ARHGAP22: variants seen among roughly 807,000 people sequenced by gnomAD.
ARHGAP22 encodes rho GTPase-activating protein 22.
Under a neutral mutation model 59.1 loss-of-function variants are expected in ARHGAP22, and 48 were observed. The observed-to-expected ratio is 0.81, with a 90% CI of 0.64 to 1.03. ARHGAP22 has a LOEUF of 1.03. Among genes scored for constraint, ARHGAP22 ranks in the 50% least tolerant of loss-of-function variants. ARHGAP22 has a pLI of 0.00. For synonymous variants in ARHGAP22, 445 were observed against 416.4 expected (o/e 1.07, Z -0.84); for missense variants, 1,015 against 958.7 (o/e 1.06, Z -0.78).
the ARHGAP22 span, chr10:48,436,907 A>G: frequency 6.6e-6 from 1 of 152,232 alleles, no homozygotes; most frequent in Non-Finnish European, 1.5e-5. Flanking sequence ...CAATTTCAGC[A>G]GAAATTTGAG....
chr10:48,475,349 C>T (rs1435846400), intron 4 of ARHGAP22, among the ~76,000 whole-genome samples: 1 of 152,150 alleles, frequency 6.6e-6, no homozygotes, highest in South Asian at 2.1e-4. Context: ...GACTTCAAAC[C>T]CCATCTATGT....
At chr10:48,436,998 G>A in the ARHGAP22 span, 6 of 152,192 alleles carry the variant, frequency 3.9e-5, no homozygotes, top group Admixed American at 3.9e-4. Flanking sequence ...TTTCACAGCA[G>A]ACATGCTTTC....
chr10:48,469,251 T>C (rs747664604), intron 4 of ARHGAP22, among the ~76,000 whole-genome samples: 3 of 152,160 alleles, frequency 2.0e-5, no homozygotes, highest in East Asian at 3.9e-4. Flanking sequence ...CACTGCCACA[T>C]TGAGCTCCAG....
At chr10:48,546,177 G>T (rs1564853624) in intron 3 of ARHGAP22, among the ~76,000 whole-genome samples, 2 of 152,138 alleles carry the variant, frequency 1.3e-5, no homozygotes, top group Admixed American at 1.3e-4. Context: ...TCCCACAGGG[G>T]TCCCCGCTAC....
At chr10:48,587,592 T>C (rs2059505214) in intron 1 of ARHGAP22, among the ~76,000 whole-genome samples, 2 of 152,226 alleles carry the variant, frequency 1.3e-5, no homozygotes, top group Non-Finnish European at 2.9e-5. Flanking sequence ...CACTGTCTAT[T>C]CTTGAATTCT....
rs868536968 is a variant in ARHGAP22, at chr10:48,598,630, G to T, written c.34+6133C>A. Among the ~76,000 whole-genome samples the T allele has an allele frequency of 2.0e-5, 3 of 152,102 alleles. No homozygotes were observed. In the South Asian group the frequency reaches 6.2e-4, roughly 32 times the overall value. ...CCCTGCCCTCAGGGCCACTCCCTGC[G>T]CACCTGCTGCCCCCACTGCAGCCTG... On this transcript the variant is annotated intron_variant, in intron 1 of 9. Transcript: ENST00000249601.
intron 4 of ARHGAP22, among the ~76,000 whole-genome samples, chr10:48,471,148 G>A (rs1420506648): frequency 6.6e-6 from 1 of 152,174 alleles, no homozygotes; most frequent in Non-Finnish European, 1.5e-5. Context: ...CCCAAGGGCA[G>A]GAGAGTTGAC....
intron 1 of ARHGAP22, among the ~76,000 whole-genome samples, chr10:48,617,460 A>G (rs2061125628): frequency 6.6e-6 from 1 of 152,052 alleles, no homozygotes; most frequent in South Asian, 2.1e-4. Context: ...AGGACATAAA[A>G]CAAGTCTCAA....
intron 3 of ARHGAP22, among the ~76,000 whole-genome samples, chr10:48,490,564 A>T (rs768485716): frequency 2.0e-5 from 3 of 152,220 alleles, no homozygotes; most frequent in Non-Finnish European, 4.4e-5. Flanking sequence ...CGTAGGCACA[A>T]TGTGGCATGT....
intron 3 of ARHGAP22, among the ~76,000 whole-genome samples, chr10:48,486,943 T>C (rs2049918238): frequency 6.6e-6 from 1 of 152,374 alleles, no homozygotes; most frequent in East Asian, 1.9e-4. Context: ...ATGAGAATTT[T>C]GCCATCATCC....
chr10:48,459,867 T>G lies in ARHGAP22; in HGVS notation c.476A>C (p.Glu159Ala). The G allele has an allele frequency of 6.2e-7, 1 of 1,612,740 alleles. No homozygotes were observed. Among genetic ancestry groups the G allele is most frequent in the Non-Finnish European group, 8.5e-7 (1 of 1,179,954 alleles). ...GGGIFGQRLE[E>A]TVHHERKYGP... is the part of the protein sequence containing the mutation. ...ATACTTCCGCTCGTGGTGGACTGTT[T>G]CCTCTAGGCGCTGCCCAAAGATCCC... Residue 159 changes from glutamate (E) to alanine (A), a missense_variant, in exon 5 of 10, where the codon GAA (glutamate) becomes GCA (alanine). By Grantham distance (107) the Glu-to-Ala change is moderately radical (BLOSUM62 -1). Coordinates refer to ENST00000249601, the MANE Select transcript of ARHGAP22 (RefSeq NM_021226.4).
intron 1 of ARHGAP22, among the ~76,000 whole-genome samples, chr10:48,646,822 T>C (rs963005184): frequency 1.3e-5 from 2 of 152,224 alleles, no homozygotes; most frequent in Non-Finnish European, 2.9e-5. Context: ...GATGTTGGGT[T>C]AGGTGGACTC....
In ARHGAP22 at chr10:48,496,881, C is replaced by T. The variant is rs566517790; in HGVS notation, c.323-17117G>A. Among the ~76,000 whole-genome samples, 383 of 152,196 alleles carry T rather than the reference C, an allele frequency of 2.5e-3. 2 individuals are homozygous for T. Among genetic ancestry groups the T allele is most frequent in the African/African-American group, 8.7e-3 (361 of 41,518 alleles). On this transcript the variant is annotated intron_variant, in intron 3 of 9. Transcript: ENST00000249601. The stretch of plus-strand genomic sequence containing the variant: ...AGATTGGGGGGTAGGAACCAAGGTG[C>T]CCTAACTGCCACTGGGCCGTGAGCT...
intron 3 of ARHGAP22, among the ~76,000 whole-genome samples, chr10:48,483,446 T>C (rs1240831428): frequency 1.3e-5 from 2 of 152,220 alleles, no homozygotes; most frequent in Non-Finnish European, 1.5e-5. Context: ...CTGGATCACA[T>C]GGTGGTTTTA....
At chr10:48,444,264 G>C (rs2045271339), downstream of ARHGAP22, 1 of 152,134 alleles carries the variant, frequency 6.6e-6, no homozygotes, top group Non-Finnish European at 1.5e-5. Context: ...TGTCAGTTTG[G>C]GACCAGGTTC....
downstream of ARHGAP22, among the ~76,000 whole-genome samples, chr10:48,441,207 A>G (rs972948265): frequency 5.3e-5 from 8 of 152,100 alleles, no homozygotes; most frequent in Non-Finnish European, 1.0e-4. Flanking sequence ...TGGCCCTTGC[A>G]CTATTTTTGT....
At chr10:48,581,745 A>C (rs1237503972) in intron 2 of ARHGAP22, among the ~76,000 whole-genome samples, 1 of 152,236 alleles carries the variant, frequency 6.6e-6, no homozygotes, top group African/African-American at 2.4e-5. Context: ...GCTGTGAAAC[A>C]CTTTTGGTTT....
At chr10:48,582,520 C>G (rs113288978) in intron 2 of ARHGAP22, among the ~76,000 whole-genome samples, 9 of 152,338 alleles carry the variant, frequency 5.9e-5, no homozygotes, top group African/African-American at 2.2e-4. Context: ...GTGCTGGACA[C>G]AGAAACCCTA....
At chr10:48,585,767 A>G (rs4282942) in intron 1 of ARHGAP22, among the ~76,000 whole-genome samples, 11,611 of 152,244 alleles carry the variant, frequency 0.076, 482 homozygotes, top group Middle Eastern at 0.11. Context: ...GTTGGGGTTG[A>G]ATGCTCTAGC....
Sources: allele counts gnomAD v4.1 joint callset (sites outside exome capture counted in the v4.1 genomes callset), GRCh38; gene constraint gnomAD v4.1.1; transcripts MANE v1.5; gene names NCBI Gene and HGNC (gene_info 2026-07-23, HGNC 2026-07-21).